CHST9: variants seen among roughly 807,000 people sequenced by gnomAD.
CHST9 encodes the protein GalNAc-4-sulfotransferase 2.
A neutral mutation model predicts 44.4 loss-of-function variants in CHST9; 41 were observed. The observed-to-expected ratio is 0.92, with a 90% confidence interval of 0.72 to 1.20. CHST9 has a LOEUF of 1.20. Ranked by LOEUF, CHST9 falls within the 50% of genes most tolerant of loss-of-function variation. The probability of loss-of-function intolerance (pLI) is 0.00; values close to 1 mark genes in which losing one functional copy is unlikely to be tolerated. For synonymous variants in CHST9, 171 were observed against 178.4 expected (o/e 0.96, Z 0.33); for missense variants, 504 against 516.5 (o/e 0.98, Z 0.23).
rs73402822 is a variant in CHST9, at chr18:26,968,084, G to C, written c.203-23718C>G. Among the ~76,000 whole-genome samples, 149 of 152,252 alleles carry C rather than the reference G, an allele frequency of 9.8e-4. 1 individual carries two copies. Among genetic ancestry groups the C allele is most frequent in the African/African-American group, 3.5e-3 (145 of 41,538 alleles). ...TGGGGACTTTGGATCTGGCTTCCTGGCTCCTCACCTTGCAGACGGCCTATT... is the reference window on the plus strand; with the variant it reads ...TGGGGACTTTGGATCTGGCTTCCTGCCTCCTCACCTTGCAGACGGCCTATT... On this transcript the variant is annotated intron_variant, in intron 4 of 5. Transcript: ENST00000618847.
chr18:26,964,090 A>C (rs970237424), intron 4 of CHST9, among the ~76,000 whole-genome samples: 2 of 152,244 alleles, frequency 1.3e-5, no homozygotes, highest in Non-Finnish European at 2.9e-5. Flanking sequence ...TAAAATAAAA[A>C]ATAGAAGCAG....
intron 2 of CHST9, among the ~76,000 whole-genome samples, chr18:27,060,737 C>T (rs948901965): frequency 3.9e-5 from 6 of 152,196 alleles, no homozygotes; most frequent in African/African-American, 9.7e-5. Context: ...AACTAATCAT[C>T]GTGGTCCCCA....
intron 2 of CHST9, among the ~76,000 whole-genome samples, chr18:27,111,913 C>T (rs1463648272): frequency 6.6e-6 from 1 of 152,094 alleles, no homozygotes; most frequent in Non-Finnish European, 1.5e-5. Context: ...CTGGAATCTA[C>T]ACCATTGGCT....
At chr18:27,144,044 G>A (rs1208743896) in intron 1 of CHST9, among the ~76,000 whole-genome samples, 7 of 152,206 alleles carry the variant, frequency 4.6e-5, no homozygotes, top group African/African-American at 9.7e-5. Context: ...GCAGTAAGCC[G>A]TGTGGTGAGC....
At chr18:27,138,574 T>C (rs2058537307) in intron 2 of CHST9, among the ~76,000 whole-genome samples, 1 of 151,968 alleles carries the variant, frequency 6.6e-6, no homozygotes, top group African/African-American at 2.4e-5. Context: ...TGTGGCTGAG[T>C]TTTAATTGTG....
At chr18:27,121,934 C>A (rs2058377825) in intron 2 of CHST9, among the ~76,000 whole-genome samples, 1 of 152,158 alleles carries the variant, frequency 6.6e-6, no homozygotes, top group South Asian at 2.1e-4. Flanking sequence ...GAGTTCTGTA[C>A]AGTACATTTG....
intron 4 of CHST9, among the ~76,000 whole-genome samples, chr18:26,987,245 A>G (rs1203288381): frequency 6.6e-6 from 1 of 152,160 alleles, no homozygotes; most frequent in African/African-American, 2.4e-5. Context: ...TATAACCAAG[A>G]CATCCCTTAG....
chr18:27,142,620 A>C (rs985710435), intron 2 of CHST9, 69 bp downstream of exon 2: 11 of 1,103,650 alleles, frequency 1.0e-5, no homozygotes, highest in Middle Eastern at 4.4e-4. Context: ...AATAAGCATC[A>C]CAACTAATTT....
At chr18:27,070,645 C>A (rs1215447609) in intron 2 of CHST9, among the ~76,000 whole-genome samples, 2 of 151,790 alleles carry the variant, frequency 1.3e-5, no homozygotes, top group African/African-American at 2.4e-5. Context: ...CTAGGTCCCC[C>A]ACTAAGTGGG....
chr18:27,024,385 T>C (rs906818143), intron 3 of CHST9, among the ~76,000 whole-genome samples: 2 of 152,094 alleles, frequency 1.3e-5, no homozygotes, highest in Non-Finnish European at 2.9e-5. Flanking sequence ...AAATTTGGTA[T>C]AGAAAAGCCT....
intron 2 of CHST9, among the ~76,000 whole-genome samples, chr18:27,089,699 G>A (rs2143710117): frequency 6.6e-6 from 1 of 152,260 alleles, no homozygotes; most frequent in Non-Finnish European, 1.5e-5. Context: ...CTAGATCCTT[G>A]AGGAATTGCC....
At chr18:27,163,454 G>C (rs1598771318) in intron 1 of CHST9, among the ~76,000 whole-genome samples, 1 of 152,276 alleles carries the variant, frequency 6.6e-6, no homozygotes, top group East Asian at 1.9e-4. Context: ...AGCTGCAGTG[G>C]GCTCCACCCA....
At chr18:27,167,055 G>C (rs1320689256) in intron 1 of CHST9, among the ~76,000 whole-genome samples, 2 of 152,194 alleles carry the variant, frequency 1.3e-5, no homozygotes, top group African/African-American at 4.8e-5. Flanking sequence ...CTCAACTTCT[G>C]TTCTTGATGA....
chr18:27,066,237 C>T (rs867466298), intron 2 of CHST9, among the ~76,000 whole-genome samples: 1 of 152,116 alleles, frequency 6.6e-6, no homozygotes, highest in South Asian at 2.1e-4. Flanking sequence ...GGTAAAATAG[C>T]GAGAGGGCCA....
At chr18:27,083,719 TC>T (rs2057982227) in intron 2 of CHST9, among the ~76,000 whole-genome samples, 1 of 152,148 alleles carries the variant, frequency 6.6e-6, no homozygotes, top group Non-Finnish European at 1.5e-5. Flanking sequence ...TGCCTAGAAC[TC>T]TTGGAACATC....
intron 4 of CHST9, among the ~76,000 whole-genome samples, chr18:26,969,640 CA>C (rs1189568174): frequency 1.3e-5 from 2 of 152,060 alleles, no homozygotes; most frequent in Non-Finnish European, 2.9e-5. Context: ...GAGGAGCATA[CA>C]AACAATTAGC....
chr18:26,935,368 TAA>T (rs1250642971), intron 5 of CHST9: 1 of 152,212 alleles, frequency 6.6e-6, no homozygotes, highest in Non-Finnish European at 1.5e-5. Flanking sequence ...ACTTTTATAT[TAA>T]GTGTCATCTT....
At chr18:27,088,617 C>T (rs1018194888) in intron 2 of CHST9, among the ~76,000 whole-genome samples, 1 of 151,968 alleles carries the variant, frequency 6.6e-6, no homozygotes, top group African/African-American at 2.4e-5. Flanking sequence ...TGATCTCGAT[C>T]TCTTGACCTC....
intron 4 of CHST9, among the ~76,000 whole-genome samples, chr18:27,016,640 A>G (rs2057157917): frequency 6.6e-6 from 1 of 152,212 alleles, no homozygotes; most frequent in Non-Finnish European, 1.5e-5. Context: ...AATAAACACT[A>G]ATCAAAGGAA....
Sources: allele counts gnomAD v4.1 joint callset (sites outside exome capture counted in the v4.1 genomes callset), GRCh38; gene constraint gnomAD v4.1.1; transcripts MANE v1.5; gene names NCBI Gene and HGNC (gene_info 2026-07-23, HGNC 2026-07-21).